BTBD16: variants seen among roughly 807,000 people sequenced by gnomAD.
BTBD16 encodes the protein BTB domain containing 16, also known as BTB/POZ domain-containing protein 16.
Under a neutral mutation model 67.4 loss-of-function variants are expected in BTBD16, and 66 were observed. That is an observed-to-expected ratio of 0.98 (90% CI 0.80 to 1.20). The LOEUF (loss-of-function observed/expected upper bound fraction) is 1.20. BTBD16 is among the 50% of genes most tolerant of loss of function. The pLI is 0.00. For synonymous variants in BTBD16, 242 were observed against 236.4 expected (o/e 1.02, Z -0.22); for missense variants, 634 against 616.0 (o/e 1.03, Z -0.31).
At chr10:122,330,617 T>C (rs190632189) in intron 11 of BTBD16, among the ~76,000 whole-genome samples, 1 of 152,186 alleles carries the variant, frequency 6.6e-6, no homozygotes, top group Non-Finnish European at 1.5e-5. Flanking sequence ...TACATTAATA[T>C]GTAGTATAGA....
intron 5 of BTBD16, 46 bp from the exon 6 acceptor site, chr10:122,289,862 AC>A (rs2096370602): frequency 6.7e-7 from 1 of 1,492,358 alleles, no homozygotes; most frequent in African/African-American, 1.4e-5. Context: ...CTGTGTCTTC[AC>A]CACGGTTATC....
chr10:122,325,625 T>G (rs2096443163), intron 10 of BTBD16, among the ~76,000 whole-genome samples: 3 of 152,024 alleles, frequency 2.0e-5, no homozygotes, highest in African/African-American at 4.8e-5. Context: ...TTACCACACT[T>G]GAGTGTTAGG....
At chr10:122,288,400 G>A (rs1405256902) in intron 5 of BTBD16, among the ~76,000 whole-genome samples, 2 of 152,218 alleles carry the variant, frequency 1.3e-5, no homozygotes, top group Non-Finnish European at 2.9e-5. Flanking sequence ...GGATGACAGC[G>A]AGGGGAGATG....
At chr10:122,329,385 C>A (rs1488848544) in intron 10 of BTBD16, 95 bp from the exon 11 acceptor site, 10 of 1,183,384 alleles carry the variant, frequency 8.5e-6, no homozygotes, top group African/African-American at 1.5e-5. Flanking sequence ...GCTAGTGAAG[C>A]CACTAGTCTC....
At chr10:122,329,995 A>G (rs2096452608) in intron 11 of BTBD16, among the ~76,000 whole-genome samples, 1 of 152,172 alleles carries the variant, frequency 6.6e-6, no homozygotes, top group Admixed American at 6.5e-5. Flanking sequence ...ACTGGGAAAG[A>G]GGAGGGAAAT....
At chr10:122,320,476 T>C (rs1424867619) in intron 10 of BTBD16, among the ~76,000 whole-genome samples, 3 of 152,140 alleles carry the variant, frequency 2.0e-5, no homozygotes, top group Admixed American at 2.0e-4. Context: ...ATTTAAGTCA[T>C]TGGTTTAAGA....
chr10:122,309,267 C>T (rs2096409134), intron 10 of BTBD16, among the ~76,000 whole-genome samples: 1 of 152,096 alleles, frequency 6.6e-6, no homozygotes, highest in Non-Finnish European at 1.5e-5. Flanking sequence ...GGTGGGACTA[C>T]AAGAGCATGT....
chr10:122,271,603 G>C (rs1400424517), intron 1 of BTBD16, 89 bp downstream of exon 1: 2 of 152,270 alleles, frequency 1.3e-5, no homozygotes, highest in Non-Finnish European at 2.9e-5. Flanking sequence ...TCTAGACCCA[G>C]TGTTAGACTT....
At position 122,272,678 on chromosome 10, in the gene BTBD16, T is replaced by TACACACACACAC. The variant is rs112265160; in HGVS notation, c.-43+1182_-43+1193dup. Among the ~76,000 whole-genome samples, 709 of 147,672 alleles carry TACACACACACAC rather than the reference T, an allele frequency of 4.8e-3. 4 individuals carry two copies. Among genetic ancestry groups the TACACACACACAC allele is most frequent in the African/African-American group, 0.014 (562 of 40,302 alleles). On this transcript the variant is annotated intron_variant, in intron 1 of 15. Coordinates refer to ENST00000260723, the MANE Select transcript of BTBD16 (RefSeq NM_144587.5). Reference sequence around the variant, plus strand: ...TCAAATTAGAGACTGGCAAAGGAAATACACACACACACACACACACACACA... The same window carrying TACACACACACAC: ...TCAAATTAGAGACTGGCAAAGGAAATACACACACACACACACACACACACACACACACACACA...
intron 10 of BTBD16, among the ~76,000 whole-genome samples, chr10:122,318,823 TG>T (rs2096430737): frequency 6.6e-6 from 1 of 152,226 alleles, no homozygotes; most frequent in Non-Finnish European, 1.5e-5. Context: ...TGACCTCAGG[TG>T]ATCCACCTGC....
chr10:122,331,379 G>T (rs1034243846), intron 12 of BTBD16, 121 bp downstream of exon 12: 6 of 1,370,228 alleles, frequency 4.4e-6, no homozygotes, highest in Admixed American at 6.2e-5. Context: ...GACATATCTG[G>T]ATCATCTTCC....
At chr10:122,327,409 G>A (rs2096447019) in intron 10 of BTBD16, 1 of 165,306 alleles carries the variant, frequency 6.0e-6, no homozygotes, top group Non-Finnish European at 1.2e-5. Context: ...CCAGCAGCTG[G>A]CCCAAGCCCT....
rs1448461380 is a variant in BTBD16 at position 122,314,238 on chromosome 10, G to C, written c.911+6930G>C. 3.3e-5 allele frequency among the ~76,000 whole-genome samples: 5 copies of C among 152,264 alleles called. No individual in the cohort carries two copies. In the East Asian group the frequency reaches 9.7e-4, roughly 29 times the overall value. Reference sequence around the variant, plus strand: ...ATTTATTTGTCTTTTAAAATTTCTTGACCAGGCTCAGTGGCTCACACCAGT... The same window carrying C: ...ATTTATTTGTCTTTTAAAATTTCTTCACCAGGCTCAGTGGCTCACACCAGT... On this transcript the variant is annotated intron_variant, in intron 10 of 15. Transcript: ENST00000260723.
intron 3 of BTBD16, among the ~76,000 whole-genome samples, chr10:122,277,780 C>T (rs2096344007): frequency 1.3e-5 from 2 of 152,160 alleles, no homozygotes; most frequent in Admixed American, 6.5e-5. Context: ...AAATGCCTCC[C>T]ATTAGGCCCC....
intron 2 of BTBD16, among the ~76,000 whole-genome samples, chr10:122,275,935 G>A (rs918085052): frequency 6.6e-6 from 1 of 152,062 alleles, no homozygotes; most frequent in Non-Finnish European, 1.5e-5. Context: ...CTTCACAATA[G>A]CCAAAAGGTA....
chr10:122,311,748 A>C (rs2096414047), intron 10 of BTBD16, among the ~76,000 whole-genome samples: 3 of 152,354 alleles, frequency 2.0e-5, no homozygotes, highest in African/African-American at 4.8e-5. Flanking sequence ...CAGCACCCAG[A>C]CCAGAACAGG....
intron 14 of BTBD16, 83 bp from the exon 15 acceptor site, chr10:122,336,411 G>T (rs911351831): frequency 3.2e-6 from 4 of 1,240,500 alleles, no homozygotes; most frequent in Admixed American, 5.5e-5. Context: ...ATATACCAGG[G>T]TCTATATGCC....
intron 10 of BTBD16, chr10:122,327,475 A>T: frequency 2.1e-6 from 1 of 471,962 alleles, no homozygotes; most frequent in Non-Finnish European, 2.8e-6. Flanking sequence ...ACCTGTGGCT[A>T]CTGCTCCCAC....
intron 6 of BTBD16, 59 bp from the exon 7 acceptor site, chr10:122,291,021 G>C (rs983273774): frequency 6.7e-7 from 1 of 1,491,340 alleles, no homozygotes; most frequent in African/African-American, 1.4e-5. Flanking sequence ...GGAGGGCGCT[G>C]GGTGGTGTCC....
Sources: allele counts gnomAD v4.1 joint callset (sites outside exome capture counted in the v4.1 genomes callset), GRCh38; gene constraint gnomAD v4.1.1; transcripts MANE v1.5; gene names NCBI Gene and HGNC (gene_info 2026-07-23, HGNC 2026-07-21).